The following ENPEP variants were observed in gnomAD, a reference collection of about 807,000 sequenced individuals.
ENPEP encodes the protein AP-A.
Under a neutral mutation model 114.5 loss-of-function variants are expected in ENPEP, and 103 were observed. The observed-to-expected ratio is 0.90, with a 90% confidence interval of 0.77 to 1.06. The LOEUF (loss-of-function observed/expected upper bound fraction) is 1.06, where lower values mean the gene tolerates loss of function less well. Among genes scored for constraint, ENPEP ranks in the 50% least tolerant of loss-of-function variants. The pLI is 0.00. For synonymous variants in ENPEP, 420 were observed against 422.0 expected (o/e 1.00, Z 0.06); for missense variants, 1,196 against 1,161.3 (o/e 1.03, Z -0.43).
intron 18 of ENPEP, among the ~76,000 whole-genome samples, chr4:110,557,800 A>G (rs530778183): frequency 1.3e-5 from 2 of 152,312 alleles, no homozygotes; most frequent in South Asian, 2.1e-4. Flanking sequence ...GGCGTCTGTG[A>G]TAAGAGTGGG....
intron 10 of ENPEP, among the ~76,000 whole-genome samples, chr4:110,521,443 C>T (rs1350404865): frequency 2.0e-5 from 3 of 151,470 alleles, no homozygotes; most frequent in Non-Finnish European, 4.4e-5. Flanking sequence ...TGTATAAAAT[C>T]CCTTCTCGAT....
At chr4:110,480,528 A>G (rs555396116) in intron 1 of ENPEP, among the ~76,000 whole-genome samples, 13 of 152,274 alleles carry the variant, frequency 8.5e-5, no homozygotes, top group African/African-American at 2.9e-4. Context: ...TCAAAATTAT[A>G]TTTTCTGACC....
rs1259510156 is a variant in ENPEP, at chr4:110,542,874, C to T, written c.1931C>T (p.Ser644Phe). 2 of 1,612,896 alleles carry T rather than the reference C, an allele frequency of 1.2e-6. No homozygotes were observed. Among genetic ancestry groups the T allele is most frequent in the East Asian group, 2.2e-5 (1 of 44,840 alleles). The change falls in exon 12 of 20, where the codon TCC (serine) becomes TTC (phenylalanine). Residue 644 changes from serine to phenylalanine, a missense_variant. Transcript: ENST00000265162. ...ATWDSIATALSLNHKTFSSAD... is the reference protein window; with the variant it reads ...ATWDSIATALFLNHKTFSSAD... ...TGGGACTCGATAGCTACAGCGCTCT[C>T]CTTGAACCACAAGGTAAGAGATAGC...
rs146047830 is a variant in ENPEP at position 110,545,518 on chromosome 4, G to A, written c.2000+2448G>A. Among the ~76,000 whole-genome samples the A allele has an allele frequency of 2.4e-4, 36 of 152,042 alleles. No homozygotes were observed. In the East Asian group the frequency reaches 2.9e-3, roughly 12 times the overall value. ...GAATGGGGTGATTGATTTCCTCTTCGTTTCTCTGCTTGGAACTTCTATGTC... is the reference window on the plus strand; with the variant it reads ...GAATGGGGTGATTGATTTCCTCTTCATTTCTCTGCTTGGAACTTCTATGTC... On this transcript the variant is annotated intron_variant, in intron 13 of 19. Transcript: ENST00000265162.
chr4:110,478,663 T>C (rs1055280909), intron 1 of ENPEP, among the ~76,000 whole-genome samples: 16 of 152,204 alleles, frequency 1.1e-4, no homozygotes, highest in African/African-American at 3.9e-4. Context: ...GGTCTTGAAC[T>C]CCTGGACTCA....
chr4:110,545,879 C>T (rs1727034465), intron 13 of ENPEP, among the ~76,000 whole-genome samples: 1 of 151,998 alleles, frequency 6.6e-6, no homozygotes, highest in South Asian at 2.1e-4. Context: ...AGTCCCATCT[C>T]TTCACTCTGA....
rs138301850 is a variant in ENPEP at position 110,480,794 on chromosome 4, C to T, written c.644+3736C>T. 3.0e-4 allele frequency among the ~76,000 whole-genome samples: 45 copies of T among 152,214 alleles called. 1 individual carries two copies. The highest frequency in any genetic ancestry group is 9.9e-4 in the African/African-American group (41 of 41,540). On this transcript the variant is annotated intron_variant, in intron 1 of 19. Coordinates refer to ENST00000265162, the MANE Select transcript of ENPEP (RefSeq NM_001977.4). ...TTCTGGGGACAGAGTTGTAGTGGGG[C>T]GTGGAAGGAGAAAGTTTGAGAAACA...
At position 110,476,593 on chromosome 4, in the gene ENPEP, T is replaced by G; in HGVS notation, c.179T>G (p.Leu60Arg). Residue 60 changes from leucine to arginine, a missense_variant, in exon 1 of 20, where the codon CTG becomes CGG. Leu to Arg is a moderately radical substitution (Grantham distance 102). Coordinates refer to ENST00000265162, the MANE Select transcript of ENPEP (RefSeq NM_001977.4). Reference sequence around the variant, plus strand: ...GGCACTGCGCCAGCTCCTTCCCACCTGCCTTCTTCCACGGCCAGCCCCTCA... The same window carrying G: ...GGCACTGCGCCAGCTCCTTCCCACCGGCCTTCTTCCACGGCCAGCCCCTCA... ...GPGTAPAPSH[L>R]PSSTASPSGP... The G allele has an allele frequency of 6.2e-7, 1 of 1,614,134 alleles. No homozygotes were observed. Among genetic ancestry groups the G allele is most frequent in the Non-Finnish European group, 8.5e-7 (1 of 1,179,980 alleles).
intron 19 of ENPEP, among the ~76,000 whole-genome samples, chr4:110,560,567 G>A (rs1263661165): frequency 6.6e-6 from 1 of 152,038 alleles, no homozygotes; most frequent in African/African-American, 2.4e-5. Flanking sequence ...AAGTTTAAAA[G>A]CTGCAAAAGT....
chr4:110,500,131 A>G (rs1011056242), intron 3 of ENPEP: 4 of 152,222 alleles, frequency 2.6e-5, no homozygotes, highest in African/African-American at 9.6e-5. Context: ...AGTGAAGTCA[A>G]GTGTGGCAAA....
In ENPEP at chr4:110,553,317, A is replaced by G; in HGVS notation, c.2504A>G (p.Tyr835Cys). Residue 835 changes from tyrosine to cysteine, a missense_variant and splice_region_variant, in exon 18 of 20, where the codon TAT becomes TGT. Coordinates refer to ENST00000265162, the MANE Select transcript of ENPEP (RefSeq NM_001977.4). ...SVKNVTLLSRYLDLLKDTNLI... is the reference protein window; with the variant it reads ...SVKNVTLLSRCLDLLKDTNLI... Reference sequence around the variant, plus strand: ...TTTTTCTGTTTGGCTTCTCTTAGGTATTTGGATTTGCTCAAGGACACGAAC... The same window carrying G: ...TTTTTCTGTTTGGCTTCTCTTAGGTGTTTGGATTTGCTCAAGGACACGAAC... 2 of 1,582,872 alleles carry G rather than the reference A, an allele frequency of 1.3e-6. No homozygotes were observed. Among genetic ancestry groups the G allele is most frequent in the African/African-American group, 1.3e-5 (1 of 74,446 alleles).
At chr4:110,530,099 G>T (rs1726349083) in intron 10 of ENPEP, among the ~76,000 whole-genome samples, 1 of 151,668 alleles carries the variant, frequency 6.6e-6, no homozygotes, top group African/African-American at 2.4e-5. Flanking sequence ...AAGAGAGAAA[G>T]GGGTCTAAGG....
intron 8 of ENPEP, chr4:110,519,264 C>G (rs1725894001): frequency 3.1e-6 from 1 of 317,930 alleles, no homozygotes; most frequent in Admixed American, 3.6e-5. Flanking sequence ...AAAATTATAG[C>G]AACTTAGAGT....
intron 1 of ENPEP, among the ~76,000 whole-genome samples, chr4:110,483,758 A>T (rs1352384906): frequency 6.6e-6 from 1 of 152,232 alleles, no homozygotes; most frequent in Non-Finnish European, 1.5e-5. Context: ...ACTCCTGAAC[A>T]TATTGTGCTA....
intron 3 of ENPEP, among the ~76,000 whole-genome samples, chr4:110,504,241 G>A (rs576006711): frequency 3.3e-5 from 5 of 152,322 alleles, no homozygotes; most frequent in Admixed American, 2.6e-4. Context: ...GTGGGCCCAA[G>A]CCAAGGGCCT....
chr4:110,505,228 A>AG (rs1725330405), intron 3 of ENPEP, among the ~76,000 whole-genome samples: 1 of 152,208 alleles, frequency 6.6e-6, no homozygotes, highest in Non-Finnish European at 1.5e-5. Flanking sequence ...CATTGTTCAC[A>AG]AAGAGGACAG....
rs1045711839 is a variant in ENPEP, at chr4:110,563,083, A to G, written c.*1525A>G. The G allele has an allele frequency of 3.9e-5, 6 of 152,086 alleles. No homozygotes were observed. Among genetic ancestry groups the G allele is most frequent in the African/African-American group, 1.2e-4 (5 of 41,426 alleles). The allele number at this position is 152,086 out of a possible 1,614,324, so 9.4% of individuals were successfully genotyped here. A position where few individuals can be genotyped will look rare whatever the true frequency, so the allele number is the denominator to read the frequency against. On this transcript the variant is annotated 3_prime_UTR_variant, in exon 20 of 20. Coordinates refer to ENST00000265162, the MANE Select transcript of ENPEP (RefSeq NM_001977.4). ...ATTTCCAGACCAAAAAATATTAAAT[A>G]TTATTTTAAATTATTTCAGAAGCAA...
chr4:110,559,742 C>T lies in ENPEP; in HGVS notation c.2721+17C>T, dbSNP rs1473822945. ...CTGTGGCAGGTATGAAGATAAATTC[C>T]TCTGCATTTGTCCAAGAAGGAGCAG... On this transcript the variant is annotated intron_variant, in intron 19 of 19. Transcript: ENST00000265162. 3 of 1,597,434 alleles carry T rather than the reference C, an allele frequency of 1.9e-6. No homozygotes were observed. Among genetic ancestry groups the T allele is most frequent in the Non-Finnish European group, 2.6e-6 (3 of 1,166,316 alleles).
Position 110,561,719 on chromosome 4 carries a change from C to A in ENPEP, c.*161C>A. 1.5e-6 allele frequency: 1 copy of A among 653,926 alleles called. No homozygotes were observed. Among genetic ancestry groups the A allele is most frequent in the Non-Finnish European group, 2.5e-6 (1 of 400,172 alleles). 40.5% of individuals were successfully genotyped at this position (653,926 alleles called of 1,614,324 possible). A position where few individuals can be genotyped will look rare whatever the true frequency, so the allele number is the denominator to read the frequency against. ...CTTGCAAAGCCTTTAAATTGTTCCT[C>A]TTTGTTTATGAAGAAAGATACTAAT... On this transcript the variant is annotated 3_prime_UTR_variant, in exon 20 of 20. Transcript: ENST00000265162.
Sources: allele counts gnomAD v4.1 joint callset (sites outside exome capture counted in the v4.1 genomes callset), GRCh38; gene constraint gnomAD v4.1.1; transcripts MANE v1.5; gene names NCBI Gene and HGNC (gene_info 2026-07-23, HGNC 2026-07-21).